The following CBR4 variants were observed in gnomAD, a reference collection of about 807,000 sequenced individuals.
CBR4 encodes 3-oxoacyl-[acyl-carrier-protein] reductase.
CBR4 carries 22 observed loss-of-function variants against 21.0 expected under a neutral mutation model. That is an observed-to-expected ratio of 1.05 (90% confidence interval 0.75 to 1.50). The LOEUF is 1.50. Among genes scored for constraint, CBR4 ranks in the 40% most tolerant of loss-of-function variants. The probability of loss-of-function intolerance (pLI) is 0.00; values close to 1 mark genes in which losing one functional copy is unlikely to be tolerated. For missense variants in CBR4, 302 were observed against 286.3 expected (o/e 1.05, Z -0.40); for synonymous variants, 100 against 104.4 (o/e 0.96, Z 0.26).
chr4:169,007,524 T>C, intron 2 of CBR4, 112 bp downstream of exon 2: 1 of 559,790 alleles, frequency 1.8e-6, no homozygotes, highest in Non-Finnish European at 2.7e-6. Flanking sequence ...AAAATAGTTT[T>C]TTCTCCCAGT....
Position 168,989,990 on chromosome 4 carries a change from C to T in CBR4, c.*160G>A, listed in dbSNP as rs1037967340. 8.8e-6 allele frequency: 11 copies of T among 1,247,596 alleles called. No individual in the cohort carries two copies. In the African/African-American group the frequency reaches 1.7e-4, roughly 19 times the overall value. The allele number at this position is 1,247,596 out of a possible 1,614,324, so 77.3% of individuals were successfully genotyped here. On this transcript the variant is annotated 3_prime_UTR_variant, in exon 5 of 5. Transcript: ENST00000306193. ...AAAAAAAAAACCACAATTTGTCACACATTGTTCTTTTGAGACATATTTTTA... is the reference window on the plus strand; with the variant it reads ...AAAAAAAAAACCACAATTTGTCACATATTGTTCTTTTGAGACATATTTTTA...
chr4:169,000,469 T>C (rs1261294118), intron 4 of CBR4, among the ~76,000 whole-genome samples: 1 of 152,066 alleles, frequency 6.6e-6, no homozygotes, highest in Non-Finnish European at 1.5e-5. Flanking sequence ...CCCTGATACC[T>C]GCTGGCTCAA....
At chr4:168,964,714 C>G (rs1280328833) in intron 2 of CBR4, among the ~76,000 whole-genome samples, 1 of 152,166 alleles carries the variant, frequency 6.6e-6, no homozygotes, top group East Asian at 1.9e-4. Flanking sequence ...GCCTTGAAAA[C>G]TAAGATTTCA....
chr4:168,982,748 A>T (rs1764580215), downstream of CBR4, among the ~76,000 whole-genome samples: 1 of 152,232 alleles, frequency 6.6e-6, no homozygotes, highest in Non-Finnish European at 1.5e-5. Context: ...TAAAAACAGA[A>T]ATCAATACTG....
intron 2 of CBR4, among the ~76,000 whole-genome samples, chr4:168,969,265 T>C (rs1764133663): frequency 6.6e-6 from 1 of 152,180 alleles, no homozygotes; most frequent in Admixed American, 6.5e-5. Context: ...GACCCTTCAA[T>C]TGATTAGGTC....
intron 2 of CBR4, among the ~76,000 whole-genome samples, chr4:168,943,028 C>T (rs577855886): frequency 6.6e-6 from 1 of 152,248 alleles, no homozygotes; most frequent in South Asian, 2.1e-4. Context: ...GGAATGTAGA[C>T]TAGCACAACC....
At chr4:168,971,003 T>C (rs9799768) in intron 2 of CBR4, among the ~76,000 whole-genome samples, 102,709 of 152,056 alleles carry the variant, frequency 0.68, 36,632 homozygotes, top group East Asian at 0.96. Flanking sequence ...AGGAGCGGGA[T>C]TGCTGGATCA....
At chr4:168,894,819 AC>A (rs1414518345) in intron 2 of CBR4, 2 of 1,374,968 alleles carry the variant, frequency 1.5e-6, no homozygotes, top group Non-Finnish European at 2.0e-6. Flanking sequence ...TCATCAGTCA[AC>A]CTCACAGCTA....
chr4:168,953,099 G>A (rs532020714), intron 2 of CBR4, among the ~76,000 whole-genome samples: 10 of 152,314 alleles, frequency 6.6e-5, no homozygotes, highest in Admixed American at 3.3e-4. Context: ...TGCAGCTGCT[G>A]TGGAGGATGT....
downstream of CBR4, among the ~76,000 whole-genome samples, chr4:168,983,983 T>A (rs1478456971): frequency 6.6e-6 from 1 of 152,148 alleles, no homozygotes; most frequent in African/African-American, 2.4e-5. Flanking sequence ...AAGCATTCCC[T>A]TTGAGAACTG....
At chr4:168,995,408 A>AT (rs961948356) in intron 4 of CBR4, among the ~76,000 whole-genome samples, 4 of 152,144 alleles carry the variant, frequency 2.6e-5, no homozygotes, top group Admixed American at 1.3e-4. Flanking sequence ...CAGATCTAGA[A>AT]TAAGGCATGA....
chr4:168,943,521 T>C (rs551635769), intron 2 of CBR4, among the ~76,000 whole-genome samples: 2 of 152,348 alleles, frequency 1.3e-5, no homozygotes, highest in South Asian at 4.1e-4. Context: ...AGGTCCTCCA[T>C]AATCTTTTAC....
intron 1 of CBR4, 80 bp downstream of exon 1, chr4:169,009,868 C>CCG (rs1731258837): frequency 8.0e-6 from 11 of 1,372,466 alleles, no homozygotes; most frequent in Non-Finnish European, 1.1e-5. Flanking sequence ...AAGGCCAGAC[C>CCG]CGCTCTTTTT....
rs1417319427 is a variant in CBR4, at chr4:168,988,398, A to C, written c.*1752T>G. 1 of 985,356 alleles carries C rather than the reference A, an allele frequency of 1.0e-6. No individual in the cohort carries two copies. Among genetic ancestry groups the C allele is most frequent in the East Asian group, 1.1e-4 (1 of 8,830 alleles). 61.0% of individuals were successfully genotyped at this position (985,356 alleles called of 1,614,324 possible). A position where few individuals can be genotyped will look rare whatever the true frequency, so the allele number is the denominator to read the frequency against. ...AGCAAAACATACTGCTTTCTACCCAAATCACCAATTGAATCAGCCTCGCTC... is the reference window on the plus strand; with the variant it reads ...AGCAAAACATACTGCTTTCTACCCACATCACCAATTGAATCAGCCTCGCTC... On this transcript the variant is annotated 3_prime_UTR_variant, in exon 5 of 5. Coordinates refer to ENST00000306193, the MANE Select transcript of CBR4 (RefSeq NM_032783.5).
chr4:168,959,708 G>A (rs1289133500), intron 2 of CBR4, among the ~76,000 whole-genome samples: 3 of 151,264 alleles, frequency 2.0e-5, no homozygotes, highest in Non-Finnish European at 4.4e-5. Context: ...TGGAATTACA[G>A]GCATGTGCCA....
chr4:168,916,799 T>C (rs1760214001), intron 2 of CBR4, among the ~76,000 whole-genome samples: 1 of 150,726 alleles, frequency 6.6e-6, no homozygotes, highest in South Asian at 2.1e-4. Context: ...GCCTCCTGAG[T>C]AGCTGCGATT....
chr4:168,995,810 A>C (rs1765171451), intron 4 of CBR4, among the ~76,000 whole-genome samples: 2 of 152,146 alleles, frequency 1.3e-5, no homozygotes, highest in African/African-American at 4.8e-5. Context: ...TCCCCCAAAA[A>C]CAACCAAGTA....
At chr4:168,898,263 C>T (rs1320006450) in intron 2 of CBR4, 1 of 566,356 alleles carries the variant, frequency 1.8e-6, no homozygotes, top group African/African-American at 1.9e-5. Flanking sequence ...ATTCATCTTT[C>T]CTACCCCCCT....
chr4:169,007,099 G>A (rs1318837494), intron 2 of CBR4, among the ~76,000 whole-genome samples: 4 of 152,124 alleles, frequency 2.6e-5, no homozygotes, highest in African/African-American at 9.7e-5. Context: ...TTGGAAGACA[G>A]GTTGCTACCC....
Sources: gnomAD v4.1 joint callset for allele counts (sites outside exome capture counted in the v4.1 genomes callset) on GRCh38, gnomAD v4.1.1 for gene constraint, MANE v1.5 for transcripts, NCBI Gene and HGNC (gene_info 2026-07-23, HGNC 2026-07-21) for gene names.